The following DNAH2 variants were observed in gnomAD, a reference collection of about 807,000 sequenced individuals.
The protein encoded by DNAH2 is axonemal beta dynein heavy chain 2.
DNAH2 carries 323 observed loss-of-function variants against 523.5 expected under a neutral mutation model. The ratio of observed to expected loss-of-function variants is 0.62; its 90% CI spans 0.56 to 0.68. DNAH2 has a LOEUF of 0.68. Ranked by LOEUF, DNAH2 falls within the 30% of genes least tolerant of loss-of-function variation. The pLI, the probability that DNAH2 is intolerant of heterozygous loss-of-function variation, is 0.00. For missense variants in DNAH2, 4,907 were observed against 5,701.5 expected (o/e 0.86, Z 4.49); for synonymous variants, 2,093 against 2,177.4 (o/e 0.96, Z 1.08).
At chr17:7,813,288 T>A (rs2077570804) in intron 63 of DNAH2, among the ~76,000 whole-genome samples, 1 of 151,088 alleles carries the variant, frequency 6.6e-6, no homozygotes, top group African/African-American at 2.4e-5. Flanking sequence ...AGAGACAGGG[T>A]CTTGCTGTGC....
rs753896782 is a variant in DNAH2, at chr17:7,804,965, C to G, written c.9191C>G (p.Thr3064Arg). The G allele has an allele frequency of 6.2e-7, 1 of 1,614,044 alleles. No individual in the cohort carries two copies. The highest frequency in any genetic ancestry group is 2.2e-5 in the East Asian group (1 of 44,888). The part of the protein sequence containing the change: ...READEQQKAV[T>R]ANSEKIAVEE... ...TCCTTTTTTCATCCCTAGGCCGTAA[C>G]AGCCAACAGTGAAAAGATTGCAGTT... The change falls in exon 60 of 86, where the codon ACA (threonine) becomes AGA (arginine). Residue 3064 changes from threonine to arginine, a missense_variant. By Grantham distance (71) the Thr-to-Arg change is moderately conservative. This residue lies in a region of DNAH2 where 1,851 missense variants were observed against 2,139.4 expected (regional missense o/e 0.87). Coordinates refer to ENST00000572933, the MANE Select transcript of DNAH2 (RefSeq NM_020877.5).
chr17:7,763,730 C>T, intron 18 of DNAH2, 101 bp from the exon 19 acceptor site: 1 of 1,419,188 alleles, frequency 7.0e-7, no homozygotes. Context: ...AACTGCTGCC[C>T]AGGTTTGGGT....
At chr17:7,737,438 T>C (rs1037919768) in intron 8 of DNAH2, among the ~76,000 whole-genome samples, 180 bp downstream of exon 8, 7 of 152,114 alleles carry the variant, frequency 4.6e-5, no homozygotes, top group East Asian at 1.9e-4. Context: ...TTGCTCAGCA[T>C]TGGAGCCTGG....
intron 20 of DNAH2, among the ~76,000 whole-genome samples, chr17:7,764,979 A>T (rs2076121016): frequency 6.7e-6 from 1 of 150,350 alleles, no homozygotes; most frequent in Non-Finnish European, 1.5e-5. Context: ...AGTAGCTGGG[A>T]CTACAGGCAC....
At chr17:7,777,054 AG>A (rs1348302282) in intron 32 of DNAH2, among the ~76,000 whole-genome samples, 165 bp downstream of exon 32, 1 of 151,302 alleles carries the variant, frequency 6.6e-6, no homozygotes, top group African/African-American at 2.4e-5. Flanking sequence ...TGGCACACCC[AG>A]GAGGTTGAGG....
Position 7,771,468 on chromosome 17 carries a change from G to A in DNAH2, c.4501G>A (p.Gly1501Ser). 1 of 1,613,826 alleles carries A rather than the reference G, an allele frequency of 6.2e-7. No individual in the cohort carries two copies. The highest frequency in any genetic ancestry group is 8.5e-7 in the Non-Finnish European group (1 of 1,179,816). ...NNALRSTHHPGLLDTLIEMNT... is the reference protein window; with the variant it reads ...NNALRSTHHPSLLDTLIEMNT... ...TGCTCTCCGGAGCACCCATCACCCA[G>A]GTCAGAGCTCCAGGGCTCCTGCCCT... Residue 1501 changes from glycine to serine, a missense_variant and splice_region_variant, in exon 28 of 86, where the codon GGC becomes AGC. Gly to Ser is a moderately conservative substitution (Grantham distance 56, BLOSUM62 0). Coordinates refer to ENST00000572933, the MANE Select transcript of DNAH2 (RefSeq NM_020877.5).
At chr17:7,810,361 G>C (rs1178445664) in intron 63 of DNAH2, among the ~76,000 whole-genome samples, 1 of 151,904 alleles carries the variant, frequency 6.6e-6, no homozygotes, top group African/African-American at 2.4e-5. Flanking sequence ...CACCCCACCT[G>C]GCCCAAATAT....
At chr17:7,818,270 C>T (rs1455219752) in intron 68 of DNAH2, 42 bp from the exon 69 acceptor site, 3 of 1,610,468 alleles carry the variant, frequency 1.9e-6, no homozygotes, top group South Asian at 2.2e-5. Context: ...AGCTGGTACC[C>T]ATCACATGGA....
At position 7,734,684 on chromosome 17, in the gene DNAH2, T is replaced by C. The variant is rs1409486663; in HGVS notation, c.954T>C (p.Phe318=). 2 of 1,612,338 alleles carry C rather than the reference T, an allele frequency of 1.2e-6. No individual in the cohort carries two copies. Among genetic ancestry groups the C allele is most frequent in the African/African-American group, 1.3e-5 (1 of 74,352 alleles). The change falls in exon 7 of 86, where the codon TTT becomes TTC. Residue 318 remains phenylalanine (F), a synonymous_variant. Coordinates refer to ENST00000572933, the MANE Select transcript of DNAH2 (RefSeq NM_020877.5). The part of the protein sequence containing the change: ...HLAKSSYLAP[F]MKLAQQIQDG... ...CCAAGTCGTCCTACTTGGCGCCCTT[T>C]ATGAAACTGGCACAGCAGATCCAGG...
At chr17:7,738,329 T>A (rs1306268319) in intron 8 of DNAH2, among the ~76,000 whole-genome samples, 5 of 152,234 alleles carry the variant, frequency 3.3e-5, no homozygotes, top group Non-Finnish European at 7.4e-5. Context: ...TTTTTTAATT[T>A]TAATTTTAAT....
At chr17:7,788,802 A>T (rs78179553) in intron 44 of DNAH2, among the ~76,000 whole-genome samples, 3,721 of 152,352 alleles carry the variant, frequency 0.024, 105 homozygotes, top group African/African-American at 0.068. Context: ...TTAAACTATT[A>T]ATATGTCATC....
chr17:7,759,301 C>A, intron 15 of DNAH2, 121 bp from the exon 16 acceptor site: 2 of 1,445,110 alleles, frequency 1.4e-6, no homozygotes, highest in Non-Finnish European at 1.9e-6. Flanking sequence ...TCCTCCAGGA[C>A]TCAGCGTCCT....
Position 7,798,801 on chromosome 17 carries a change from G to GCCACTGGCACACCC in DNAH2, c.8559+90_8559+103dup, listed in dbSNP as rs551550032. On this transcript the variant is annotated intron_variant, in intron 55 of 85. Coordinates refer to ENST00000572933, the MANE Select transcript of DNAH2 (RefSeq NM_020877.5). This position sits in a 1 kb window ranked among gnomAD's most constrained non-coding sequence, Gnocchi z 5.5. ...AGAAGGACCACAGCTCCCAGAATGT[G>GCCACTGGCACACCC]CCACTGGCACACCCCCACTGCCACA... 4.6e-6 allele frequency: 7 copies of GCCACTGGCACACCC among 1,520,048 alleles called. No individual in the cohort carries two copies. In the African/African-American group the frequency reaches 5.5e-5, roughly 12 times the overall value. The allele number at this position is 1,520,048 out of a possible 1,614,324, so 94.2% of individuals were successfully genotyped here.
chr17:7,791,131 C>T (rs1046991872), intron 44 of DNAH2, among the ~76,000 whole-genome samples: 9 of 151,300 alleles, frequency 5.9e-5, no homozygotes, highest in African/African-American at 7.3e-5. Context: ...TGGAGCGCAG[C>T]GGTGCCATCT....
rs71159523 is a variant in DNAH2, at chr17:7,721,004, C to CTTTT, written c.166+1123_166+1126dup. 6.4e-3 allele frequency among the ~76,000 whole-genome samples: 702 copies of CTTTT among 109,608 alleles called. 3 individuals are homozygous for CTTTT. Among genetic ancestry groups the CTTTT allele is most frequent in the Middle Eastern group, 0.012 (2 of 164 alleles). The allele number at this position is 109,608 out of a possible 152,430, so 71.9% of individuals were successfully genotyped here. On this transcript the variant is annotated intron_variant, in intron 2 of 85. Transcript: ENST00000572933. ...GCTCCAAGCTTTCTTTTCTTTCTTTCTTTTTTTTTTTTTTTTTTTTTTGAG... is the reference window on the plus strand; with the variant it reads ...GCTCCAAGCTTTCTTTTCTTTCTTTCTTTTTTTTTTTTTTTTTTTTTTTTTTGAG...
At chr17:7,739,078 C>T in intron 8 of DNAH2, 1 of 691,208 alleles carries the variant, frequency 1.4e-6, no homozygotes, top group Non-Finnish European at 2.7e-6. Context: ...CACCTCCCAC[C>T]CCAGGAACCA....
At position 7,828,092 on chromosome 17, in the gene DNAH2, G is replaced by GT. The variant is rs1408833640; in HGVS notation, c.11854-2201dup. Among the ~76,000 whole-genome samples the GT allele has an allele frequency of 3.3e-5, 5 of 151,340 alleles. No homozygotes were observed. In the East Asian group the frequency reaches 7.9e-4, roughly 24 times the overall value. ...TGCCACCACTCTGGCTAATTTTTGT[G>GT]TTTTTTTGTAGAGACTGGATTTCAC... is the stretch of plus-strand genomic sequence containing the variant. On this transcript the variant is annotated intron_variant, in intron 77 of 85. Transcript: ENST00000572933. This position sits in a 1 kb window ranked among gnomAD's most constrained non-coding sequence, Gnocchi z 4.1.
At chr17:7,771,688 G>A (rs1433489451) in intron 28 of DNAH2, among the ~76,000 whole-genome samples, 1 of 152,078 alleles carries the variant, frequency 6.6e-6, no homozygotes, top group Admixed American at 6.6e-5. Flanking sequence ...ATGGGATATG[G>A]AATCAGTCAG....
At chr17:7,801,770 TCTCTCATC>T (rs2077230251) in intron 57 of DNAH2, 60 bp downstream of exon 57, 2 of 1,610,198 alleles carry the variant, frequency 1.2e-6, no homozygotes, top group Non-Finnish European at 1.7e-6. Context: ...CCGCCTCTCA[TCTCTCATC>T]GCACCCCCGG....
Sources: gnomAD v4.1 joint callset for allele counts (sites outside exome capture counted in the v4.1 genomes callset) on GRCh38, gnomAD v4.1.1 for gene constraint, gnomAD v4.1.1 regional missense constraint, Gnocchi (gnomAD v3.1) non-coding constraint, MANE v1.5 for transcripts, NCBI Gene and HGNC (gene_info 2026-07-23, HGNC 2026-07-21) for gene names.